Variants in NUP160 observed in about 807,000 individuals in gnomAD.
NUP160 encodes nucleoporin 160.
NUP160 carries 94 observed loss-of-function variants against 196.9 expected under a neutral mutation model. The ratio of observed to expected loss-of-function variants is 0.48; its 90% CI spans 0.40 to 0.57. The LOEUF (loss-of-function observed/expected upper bound fraction) is 0.57. Ranked by LOEUF, NUP160 falls within the 20% of genes least tolerant of loss-of-function variation. The pLI is 0.00. For missense variants in NUP160, 1,638 were observed against 1,748.3 expected, an observed-to-expected ratio of 0.94 and a Z score of 1.13; for synonymous variants, 605 against 619.7, an observed-to-expected ratio of 0.98 and a Z score of 0.35.
chr11:47,824,868 C>T (rs1851937237), intron 7 of NUP160, among the ~76,000 whole-genome samples: 1 of 151,802 alleles, frequency 6.6e-6, no homozygotes, highest in African/African-American at 2.4e-5. Context: ...TGGAGTCTCG[C>T]ACTGTCGCCC....
chr11:47,826,258 C>A (rs1022189156), intron 7 of NUP160, among the ~76,000 whole-genome samples: 1 of 152,162 alleles, frequency 6.6e-6, no homozygotes, highest in South Asian at 2.1e-4. Context: ...TACATATGCA[C>A]CATCAGGCCC....
intron 17 of NUP160, among the ~76,000 whole-genome samples, chr11:47,811,658 G>A (rs1042199186): frequency 1.3e-5 from 2 of 152,114 alleles, no homozygotes; most frequent in East Asian, 3.9e-4. Flanking sequence ...AAAGCAATCT[G>A]CTTCATGTAT....
intron 10 of NUP160, among the ~76,000 whole-genome samples, chr11:47,818,428 T>C (rs930520483): frequency 1.3e-5 from 2 of 152,212 alleles, no homozygotes; most frequent in Non-Finnish European, 2.9e-5. Context: ...TAATTGGTGA[T>C]ATACACTGGT....
chr11:47,806,727 G>A (rs560656432), intron 19 of NUP160, among the ~76,000 whole-genome samples: 2 of 146,966 alleles, frequency 1.4e-5, no homozygotes, highest in South Asian at 2.2e-4. Flanking sequence ...TACCATGAAC[G>A]AATAAATTTT....
rs1019223697 is a variant in NUP160, at chr11:47,816,128, T to G, written c.1432-99A>C. The G allele has an allele frequency of 9.7e-5, 75 of 772,710 alleles. 1 individual carries two copies. The highest frequency in any genetic ancestry group is 4.6e-4 in the Admixed American group (18 of 38,748). The allele number at this position is 772,710 out of a possible 1,614,324, so 47.9% of individuals were successfully genotyped here. ...ATAGAGGCAATATAAAACTATATAA[T>G]AGAGATTTGGCATACCTGGAACACA... is the stretch of plus-strand genomic sequence containing the variant. On this transcript the variant is annotated intron_variant, in intron 11 of 35. Coordinates refer to ENST00000378460, the Ensembl canonical transcript of NUP160.
exon 27 of NUP160, chr11:47,797,806 G>A (rs2097671700): frequency 6.2e-7 from 1 of 1,612,904 alleles, no homozygotes; most frequent in Non-Finnish European, 8.5e-7. Context: ...CGATAGATGT[G>A]AAAGGCATAC....
At chr11:47,835,787 G>C in exon 7 of NUP160, 1 of 1,594,518 alleles carries the variant, frequency 6.3e-7, no homozygotes, top group Non-Finnish European at 8.5e-7. Flanking sequence ...CAGCATGTCA[G>C]CTACCATTAG....
At chr11:47,802,639 C>T (rs4752794) in intron 22 of NUP160, among the ~76,000 whole-genome samples, 151,488 of 152,232 alleles carry the variant, frequency 1, 75,379 homozygotes, top group Middle Eastern at 1. Context: ...AACTACATAA[C>T]GAGAAAAAAG....
intron 7 of NUP160, among the ~76,000 whole-genome samples, chr11:47,824,936 C>T (rs535106551): frequency 1.0e-4 from 15 of 149,846 alleles, no homozygotes; most frequent in Non-Finnish European, 2.1e-4. Context: ...CCTGGGTTCA[C>T]GCCATTCTCC....
At chr11:47,793,035 G>A (rs2097668802) in intron 27 of NUP160, 89 bp from the exon 28 acceptor site, 1 of 1,111,134 alleles carries the variant, frequency 9.0e-7, no homozygotes. Flanking sequence ...CGCCCAGGCT[G>A]GAGTGCAATG....
intron 22 of NUP160, among the ~76,000 whole-genome samples, chr11:47,802,555 TAA>T (rs1173070049): frequency 1.3e-5 from 2 of 152,204 alleles, no homozygotes; most frequent in Non-Finnish European, 2.9e-5. Flanking sequence ...CTGTTCACTG[TAA>T]AAAGTCTTTA....
intron 29 of NUP160, among the ~76,000 whole-genome samples, chr11:47,790,946 A>T (rs2097667552): frequency 6.6e-6 from 1 of 152,084 alleles, no homozygotes; most frequent in Admixed American, 6.6e-5. Context: ...CCAGCTTTAG[A>T]TCTTTTACCT....
At chr11:47,837,495 A>G (rs1458440094) in intron 5 of NUP160, 50 bp downstream of exon 5, 1 of 1,437,804 alleles carries the variant, frequency 7.0e-7, no homozygotes, top group Non-Finnish European at 9.8e-7. Context: ...GACCAGTGCA[A>G]AAAGATTAAA....
chr11:47,811,495 AAAGAG>A (rs1296565456), intron 17 of NUP160, among the ~76,000 whole-genome samples: 1 of 151,762 alleles, frequency 6.6e-6, no homozygotes, highest in South Asian at 2.1e-4. Flanking sequence ...AAAAAAAAAA[AAAGAG>A]AGAGAGACAG....
rs371384644 is a variant in NUP160, at chr11:47,808,668, CGG to C, written c.2242-141_2242-140del. On this transcript the variant is annotated intron_variant, in intron 17 of 35. Coordinates refer to ENST00000378460, the Ensembl canonical transcript of NUP160. ...TAAAAGCAACACGTTTTACATTTTA[CGG>C]TAGCAAGTGGCAAAATATCTTCCCA... 308 of 575,232 alleles carry C rather than the reference CGG, an allele frequency of 5.4e-4. 2 individuals are homozygous for C. In the East Asian group the frequency reaches 0.01, roughly 19 times the overall value. 35.6% of individuals were successfully genotyped at this position (575,232 alleles called of 1,614,324 possible). A position where few individuals can be genotyped will look rare whatever the true frequency, so the allele number is the denominator to read the frequency against.
At position 47,806,325 on chromosome 11, in the gene NUP160, AAGTTATGAC is replaced by A. The variant is rs1481835398; in HGVS notation, c.2447-22_2447-14del. ...TGAGGACTAGATACTTAAAAAGAAA[AAGTTATGAC>A]AGTTTTGTGTAGTGGTAATTATCAA... On this transcript the variant is annotated splice_polypyrimidine_tract_variant and intron_variant, in intron 19 of 35. Transcript: ENST00000378460. 1.3e-6 allele frequency: 2 copies of A among 1,597,956 alleles called. No individual in the cohort carries two copies. Among genetic ancestry groups the A allele is most frequent in the Non-Finnish European group, 1.7e-6 (2 of 1,168,280 alleles).
At position 47,812,293 on chromosome 11, in the gene NUP160, G is replaced by A; in HGVS notation, c.2080+9C>T. Reference sequence around the variant, plus strand: ...ATCAAAGAGGCACATTTGTTGTTCTGTCATTTACCTGGATTGAATCCCTTT... The same window carrying A: ...ATCAAAGAGGCACATTTGTTGTTCTATCATTTACCTGGATTGAATCCCTTT... On this transcript the variant is annotated intron_variant, in intron 16 of 35. Coordinates refer to ENST00000378460, the Ensembl canonical transcript of NUP160. 6.2e-7 allele frequency: 1 copy of A among 1,613,862 alleles called. No homozygotes were observed. The highest frequency in any genetic ancestry group is 1.1e-5 in the South Asian group (1 of 91,010).
At chr11:47,841,703 T>TTTG (rs1852301585) in intron 2 of NUP160, 2 of 287,614 alleles carry the variant, frequency 7.0e-6, no homozygotes, top group Non-Finnish European at 1.4e-5. Context: ...TTGTTTGTTT[T>TTTG]TTTTTTGAGA....
chr11:47,803,406 T>TA lies in NUP160; in HGVS notation c.2775+31dup, dbSNP rs2097675545. 2.3e-6 allele frequency: 3 copies of TA among 1,329,060 alleles called. No individual in the cohort carries two copies. In the East Asian group the frequency reaches 6.9e-5, roughly 31 times the overall value. The allele number at this position is 1,329,060 out of a possible 1,614,324, so 82.3% of individuals were successfully genotyped here. ...AGCAACTTCCTTGCGTTAAAGTTTA[T>TA]AAAGTTTATTTGCCATTCAAATGTA... On this transcript the variant is annotated intron_variant, in intron 22 of 35. Coordinates refer to ENST00000378460, the Ensembl canonical transcript of NUP160.
Sources: gnomAD v4.1 joint callset for allele counts (sites outside exome capture counted in the v4.1 genomes callset) on GRCh38, gnomAD v4.1.1 for gene constraint, MANE v1.5 for transcripts, NCBI Gene and HGNC (gene_info 2026-07-23, HGNC 2026-07-21) for gene names.